Variants in EFCAB11 observed in about 807,000 individuals in gnomAD.
EFCAB11 encodes EF-hand calcium-binding domain-containing protein 11.
In EFCAB11, 14 loss-of-function variants were observed where a neutral mutation model predicts 23.0. The ratio of observed to expected loss-of-function variants is 0.61; its 90% CI spans 0.40 to 0.95. EFCAB11 has a LOEUF of 0.95. EFCAB11 is among the 40% of genes least tolerant of loss of function. The pLI, the probability that EFCAB11 is intolerant of heterozygous loss-of-function variation, is 0.00. For synonymous variants in EFCAB11, 65 were observed against 66.6 expected (o/e 0.98, Z 0.11); for missense variants, 198 against 195.8 (o/e 1.01, Z -0.07).
chr14:89,825,084 C>T (rs1596384668), intron 5 of EFCAB11, among the ~76,000 whole-genome samples: 2 of 129,618 alleles, frequency 1.5e-5, no homozygotes, highest in South Asian at 4.8e-4. Context: ...GAACATTTAC[C>T]AAGATAGATG....
chr14:89,864,605 G>A (rs530087251), intron 5 of EFCAB11, among the ~76,000 whole-genome samples: 69 of 151,878 alleles, frequency 4.5e-4, no homozygotes, highest in Non-Finnish European at 8.0e-4. Flanking sequence ...TTTTTGTTTT[G>A]TTTTTTGTTT....
At chr14:89,925,977 C>A (rs1288808092) in intron 5 of EFCAB11, among the ~76,000 whole-genome samples, 2 of 152,126 alleles carry the variant, frequency 1.3e-5, no homozygotes, top group East Asian at 3.9e-4. Context: ...TACAGGTATG[C>A]ACCACCATGC....
At chr14:89,931,767 A>G (rs536842593) in intron 4 of EFCAB11, 136 bp from the exon 5 acceptor site, 2 of 692,818 alleles carry the variant, frequency 2.9e-6, no homozygotes, top group South Asian at 3.8e-5. Flanking sequence ...GATTTCACAG[A>G]TAAGGTAATC....
Position 89,939,357 on chromosome 14 carries a change from T to C in EFCAB11, c.218-6730A>G, listed in dbSNP as rs73324514. ...ATTAACAGCATGATAGCTGATATAT[T>C]TAGGTATGCAAATCTGAGATGGGCG... On this transcript the variant is annotated intron_variant, in intron 3 of 5. Coordinates refer to ENST00000316738, the MANE Select transcript of EFCAB11 (RefSeq NM_145231.4). Among the ~76,000 whole-genome samples, 354 of 152,128 alleles carry C rather than the reference T, an allele frequency of 2.3e-3. 1 individual carries two copies. The highest frequency in any genetic ancestry group is 8.4e-3 in the African/African-American group (347 of 41,466).
At chr14:89,881,346 C>A (rs1364658183) in intron 5 of EFCAB11, among the ~76,000 whole-genome samples, 2 of 149,570 alleles carry the variant, frequency 1.3e-5, no homozygotes, top group Non-Finnish European at 3.0e-5. Flanking sequence ...TTTAGAGATA[C>A]ACAAAAATCT....
intron 5 of EFCAB11, among the ~76,000 whole-genome samples, chr14:89,817,358 C>A (rs1596380365): frequency 6.6e-6 from 1 of 151,628 alleles, no homozygotes. Flanking sequence ...CCTGTCTCTA[C>A]AAAAAATAAA....
chr14:89,815,415 A>G (rs889450953), intron 5 of EFCAB11, among the ~76,000 whole-genome samples: 6 of 151,756 alleles, frequency 4.0e-5, no homozygotes, highest in African/African-American at 1.5e-4. Context: ...AATTAAAGGA[A>G]TTTCATTATG....
In EFCAB11 at chr14:89,952,859, T is replaced by C. The variant is rs574159053; in HGVS notation, c.171+1047A>G. Among the ~76,000 whole-genome samples, 17 of 152,310 alleles carry C rather than the reference T, an allele frequency of 1.1e-4. No homozygotes were observed. The South Asian group carries it at 3.3e-3, about 30-fold the overall frequency. Reference sequence around the variant, plus strand: ...CAGGCTGAGCTCTGAGTGCTTCCTTTGCTTGATGGTGGCAGCTCAATTTCT... The same window carrying C: ...CAGGCTGAGCTCTGAGTGCTTCCTTCGCTTGATGGTGGCAGCTCAATTTCT... On this transcript the variant is annotated intron_variant, in intron 2 of 5. Transcript: ENST00000316738.
chr14:89,833,935 A>G (rs944476107), intron 5 of EFCAB11, among the ~76,000 whole-genome samples: 2 of 152,198 alleles, frequency 1.3e-5, no homozygotes, highest in Non-Finnish European at 2.9e-5. Context: ...AAATAGCTAC[A>G]CCACTTCTGT....
At chr14:89,905,637 C>T (rs553763415) in intron 5 of EFCAB11, among the ~76,000 whole-genome samples, 5 of 152,156 alleles carry the variant, frequency 3.3e-5, no homozygotes, top group East Asian at 1.9e-4. Context: ...GTAGAAAATG[C>T]GCACAAAGTA....
At chr14:89,800,308 C>T (rs1364022884) in intron 5 of EFCAB11, among the ~76,000 whole-genome samples, 1 of 152,156 alleles carries the variant, frequency 6.6e-6, no homozygotes, top group Admixed American at 6.5e-5. Context: ...CCACATTTTG[C>T]AAAACATAGA....
intron 5 of EFCAB11, among the ~76,000 whole-genome samples, chr14:89,842,973 G>A (rs1483136630): frequency 6.6e-6 from 1 of 152,130 alleles, no homozygotes; most frequent in Non-Finnish European, 1.5e-5. Flanking sequence ...ACAGGGTGAG[G>A]TGCTCCCATA....
chr14:89,805,440 G>C (rs1303261531), intron 5 of EFCAB11, among the ~76,000 whole-genome samples: 1 of 152,190 alleles, frequency 6.6e-6, no homozygotes, highest in East Asian at 1.9e-4. Flanking sequence ...TAGGAATTTT[G>C]CTTGCAAGTT....
chr14:89,875,000 TG>T (rs764870317), intron 5 of EFCAB11, among the ~76,000 whole-genome samples: 9 of 152,108 alleles, frequency 5.9e-5, no homozygotes, highest in Non-Finnish European at 1.2e-4. Context: ...CACAGATCTT[TG>T]GGATGGGGGC....
At chr14:89,883,182 T>C (rs1455818173) in intron 5 of EFCAB11, among the ~76,000 whole-genome samples, 2 of 152,216 alleles carry the variant, frequency 1.3e-5, no homozygotes, top group Non-Finnish European at 2.9e-5. Context: ...CTTCAGGTAT[T>C]CCTTTAAAGC....
intron 2 of EFCAB11, among the ~76,000 whole-genome samples, chr14:89,951,737 C>A (rs1424755218): frequency 1.3e-5 from 2 of 149,402 alleles, no homozygotes; most frequent in South Asian, 2.1e-4. Context: ...GGTGAAACCC[C>A]ATCTCTACTA....
intron 5 of EFCAB11, among the ~76,000 whole-genome samples, chr14:89,901,722 C>T (rs1889343614): frequency 1.3e-5 from 2 of 152,072 alleles, no homozygotes; most frequent in African/African-American, 4.8e-5. Flanking sequence ...AATATAAATA[C>T]ACAACATGGT....
chr14:89,926,641 A>G (rs969044700), intron 5 of EFCAB11, among the ~76,000 whole-genome samples: 73 of 152,362 alleles, frequency 4.8e-4, no homozygotes, highest in African/African-American at 1.7e-3. Context: ...AGCAATTAAA[A>G]TAAAAATTAG....
intron 5 of EFCAB11, among the ~76,000 whole-genome samples, chr14:89,871,542 C>T (rs2140163436): frequency 6.6e-6 from 1 of 152,300 alleles, no homozygotes; most frequent in East Asian, 1.9e-4. Flanking sequence ...CCCTCCCCAA[C>T]TCCTCCTTAT....
Sources: allele counts gnomAD v4.1 joint callset (sites outside exome capture counted in the v4.1 genomes callset), GRCh38; gene constraint gnomAD v4.1.1; transcripts MANE v1.5; gene names NCBI Gene and HGNC (gene_info 2026-07-23, HGNC 2026-07-21).